TCF12: variants seen among roughly 807,000 people sequenced by gnomAD.
TCF12 encodes the protein transcription factor 12, also known as DNA-binding protein HTF4.
TCF12 carries 45 observed loss-of-function variants against 86.0 expected under a neutral mutation model. The observed-to-expected ratio is 0.52, with a 90% confidence interval of 0.41 to 0.67. The LOEUF (loss-of-function observed/expected upper bound fraction) is 0.67. Ranked by LOEUF, TCF12 falls within the 30% of genes least tolerant of loss-of-function variation. TCF12 has a pLI of 0.00. For synonymous variants in TCF12, 330 were observed against 299.6 expected (o/e 1.10, Z -1.05); for missense variants, 881 against 859.9 (o/e 1.02, Z -0.31).
chr15:56,952,705 A>G (rs779339636), intron 3 of TCF12, among the ~76,000 whole-genome samples: 2 of 152,206 alleles, frequency 1.3e-5, no homozygotes, highest in Non-Finnish European at 2.9e-5. Flanking sequence ...ATACAATTTT[A>G]TATAGCGACA....
chr15:57,257,677 G>GTGTA (rs1247304649), intron 16 of TCF12, among the ~76,000 whole-genome samples: 1 of 16,228 alleles, frequency 6.2e-5, no homozygotes, highest in Admixed American at 1.1e-3. Context: ...AAAAAAAAAA[G>GTGTA]TGTATATATA....
chr15:57,239,961 A>G (rs1047110013), intron 12 of TCF12, among the ~76,000 whole-genome samples: 6 of 152,216 alleles, frequency 3.9e-5, no homozygotes, highest in African/African-American at 1.4e-4. Context: ...TGGATGTGAT[A>G]GTTGATATTT....
intron 18 of TCF12, among the ~76,000 whole-genome samples, chr15:57,269,446 G>C (rs142796617): frequency 1.8e-5 from 2 of 114,224 alleles, no homozygotes; most frequent in Admixed American, 1.2e-4. Context: ...GAGCCTATGT[G>C]TATCTTTGCG....
chr15:57,060,457 T>C (rs1259480124), intron 3 of TCF12, among the ~76,000 whole-genome samples: 1 of 152,232 alleles, frequency 6.6e-6, no homozygotes, highest in Non-Finnish European at 1.5e-5. Flanking sequence ...CTTTCTGTTA[T>C]TGATCACCCC....
At chr15:57,274,672 ATCC>A (rs1188164049) in intron 19 of TCF12, among the ~76,000 whole-genome samples, 2 of 152,040 alleles carry the variant, frequency 1.3e-5, no homozygotes, top group East Asian at 3.9e-4. Context: ...AAGTACACTC[ATCC>A]TCCTCTTCTT....
At chr15:57,042,269 T>C (rs929071162) in intron 3 of TCF12, among the ~76,000 whole-genome samples, 1 of 152,048 alleles carries the variant, frequency 6.6e-6, no homozygotes, top group Admixed American at 6.5e-5. Context: ...TTGTGGTTCA[T>C]CAGATGGACG....
rs144531198 is a variant in TCF12 at position 57,008,834 on chromosome 15, T to C, written c.149-54916T>C. Among the ~76,000 whole-genome samples, 1,125 of 152,192 alleles carry C rather than the reference T, an allele frequency of 7.4e-3. 15 individuals carry two copies. Among genetic ancestry groups the C allele is most frequent in the African/African-American group, 0.026 (1,074 of 41,518 alleles). On this transcript the variant is annotated intron_variant, in intron 3 of 20. Coordinates refer to ENST00000333725, the MANE Select transcript of TCF12 (RefSeq NM_207037.2). ...AAGCAAAATTGTAGATAATGCAAAA[T>C]TGCAATATTTCATGATGTCCATGAA...
intron 3 of TCF12, among the ~76,000 whole-genome samples, chr15:57,061,797 C>T (rs567308775): frequency 1.8e-3 from 277 of 152,182 alleles, no homozygotes; most frequent in Middle Eastern, 3.4e-3. Flanking sequence ...AAATTATATG[C>T]AGTTCCATAT....
At chr15:57,262,472 TC>T (rs1354282005) in intron 17 of TCF12, among the ~76,000 whole-genome samples, 1 of 152,186 alleles carries the variant, frequency 6.6e-6, no homozygotes, top group African/African-American at 2.4e-5. Context: ...TTCTGTCATG[TC>T]CCTCTTCCTC....
At chr15:57,243,296 T>G (rs2059713616) in intron 12 of TCF12, among the ~76,000 whole-genome samples, 176 bp from the exon 13 acceptor site, 1 of 152,242 alleles carries the variant, frequency 6.6e-6, no homozygotes. Flanking sequence ...TTTTTAATCC[T>G]GTTTTTTAAA....
At chr15:57,125,799 T>C (rs563841052) in intron 5 of TCF12, among the ~76,000 whole-genome samples, 3 of 152,340 alleles carry the variant, frequency 2.0e-5, no homozygotes, top group South Asian at 2.1e-4. Flanking sequence ...CTCTTGTAAA[T>C]AGAAGCAATT....
intron 6 of TCF12, among the ~76,000 whole-genome samples, chr15:57,174,576 T>G (rs2055769617): frequency 6.6e-6 from 1 of 152,176 alleles, no homozygotes; most frequent in South Asian, 2.1e-4. Flanking sequence ...TTATAGAAAT[T>G]GAAAAGGAGT....
intron 8 of TCF12, among the ~76,000 whole-genome samples, chr15:57,200,440 G>A (rs1162433519): frequency 6.6e-6 from 1 of 151,978 alleles, no homozygotes; most frequent in Non-Finnish European, 1.5e-5. Context: ...TAAGAAAAAT[G>A]GAGTATTAAA....
chr15:56,984,355 G>A (rs964111182), intron 3 of TCF12, among the ~76,000 whole-genome samples: 6 of 151,364 alleles, frequency 4.0e-5, no homozygotes, highest in Non-Finnish European at 7.4e-5. Flanking sequence ...AACCGGGCCT[G>A]TTAGCATTGT....
chr15:57,002,169 G>A (rs1322841072), intron 3 of TCF12, among the ~76,000 whole-genome samples: 2 of 152,174 alleles, frequency 1.3e-5, no homozygotes, highest in African/African-American at 4.8e-5. Context: ...TGTCTCAATA[G>A]GCAAAGACAT....
Position 56,921,062 on chromosome 15 carries a change from C to G in TCF12, c.112C>G (p.Pro38Ala), listed in dbSNP as rs768590432. The change falls in exon 3 of 21, where the codon CCA becomes GCA. Residue 38 changes from proline to alanine, a missense_variant. By Grantham distance (27) the Pro-to-Ala change is conservative. Transcript: ENST00000333725. Reference protein sequence around the residue: ...SPPVNSGKTRPTTLGSSQFSG... With the variant: ...SPPVNSGKTRATTLGSSQFSG... ...ACCTGTTAATAGTGGGAAAACTAGA[C>G]CAACTACACTGGGAAGCAGTCAATT... 2 of 1,607,608 alleles carry G rather than the reference C, an allele frequency of 1.2e-6. No individual in the cohort carries two copies. The highest frequency in any genetic ancestry group is 1.7e-6 in the Non-Finnish European group (2 of 1,176,442).
Position 57,264,195 on chromosome 15 carries a change from CTTTTTTTT to C in TCF12, c.1745+937_1745+944del, listed in dbSNP as rs770642915. On this transcript the variant is annotated intron_variant, in intron 18 of 20. Coordinates refer to ENST00000333725, the MANE Select transcript of TCF12 (RefSeq NM_207037.2). ...TATTTTCTTTAAGTTCTTTTGTAAG[CTTTTTTTT>C]TTTTTTTTTTTTTTTGAGGTGGAGT... Among the ~76,000 whole-genome samples, 9 of 50,700 alleles carry C rather than the reference CTTTTTTTT, an allele frequency of 1.8e-4. No individual in the cohort carries two copies. The Admixed American group carries it at 2.3e-3, about 13-fold the overall frequency. 33.3% of individuals were successfully genotyped at this position (50,700 alleles called of 152,430 possible). A position where few individuals can be genotyped will look rare whatever the true frequency, so the allele number is the denominator to read the frequency against.
In TCF12 at chr15:56,928,489, G is replaced by A. The variant is rs575840234; in HGVS notation, c.148+7391G>A. On this transcript the variant is annotated intron_variant, in intron 3 of 20. Transcript: ENST00000333725. The stretch of plus-strand genomic sequence containing the variant: ...AAATGTTTTGTCTGTGGTGTTGGAA[G>A]TGAGGCAATACCCCTACAAGAGCAA... Among the ~76,000 whole-genome samples, 6 of 152,242 alleles carry A rather than the reference G, an allele frequency of 3.9e-5. No individual in the cohort carries two copies. The East Asian group carries it at 1.2e-3, about 29-fold the overall frequency.
intron 5 of TCF12, among the ~76,000 whole-genome samples, chr15:57,116,152 T>G (rs2050820017): frequency 6.6e-6 from 1 of 152,098 alleles, no homozygotes; most frequent in Non-Finnish European, 1.5e-5. Flanking sequence ...ACACTATCAG[T>G]AGTGATAGGG....
Sources: gnomAD v4.1 joint callset for allele counts (sites outside exome capture counted in the v4.1 genomes callset) on GRCh38, gnomAD v4.1.1 for gene constraint, MANE v1.5 for transcripts, NCBI Gene and HGNC (gene_info 2026-07-23, HGNC 2026-07-21) for gene names.